The following PCDHGA6 variants were observed in gnomAD, a reference collection of about 807,000 sequenced individuals.
PCDHGA6 encodes the protein protocadherin gamma subfamily A, 6, also known as protocadherin gamma-A6.
Under a neutral mutation model 60.6 loss-of-function variants are expected in PCDHGA6, and 41 were observed. That is an observed-to-expected ratio of 0.68 (90% CI 0.53 to 0.88). The LOEUF (loss-of-function observed/expected upper bound fraction) is 0.88. Among genes scored for constraint, PCDHGA6 ranks in the 40% least tolerant of loss-of-function variants. The pLI, the probability that PCDHGA6 is intolerant of heterozygous loss-of-function variation, is 0.00. For synonymous variants in PCDHGA6, 594 were observed against 524.4 expected (o/e 1.13, Z -1.81); for missense variants, 1,312 against 1,203.0 (o/e 1.09, Z -1.34).
At chr5:141,381,986 C>A (rs1360595056) in intron 1 of PCDHGA6, among the ~76,000 whole-genome samples, 1 of 151,810 alleles carries the variant, frequency 6.6e-6, no homozygotes, top group East Asian at 1.9e-4. Flanking sequence ...CGCGCCACCA[C>A]GCCCGGATAA....
chr5:141,490,374 C>T lies in PCDHGA6; in HGVS notation c.2425-4433C>T, dbSNP rs1452417604. 1.2e-6 allele frequency: 2 copies of T among 1,614,082 alleles called. No homozygotes were observed. Among genetic ancestry groups the T allele is most frequent in the Middle Eastern group, 1.6e-4 (1 of 6,084 alleles). ...GGTTGTTTAATGTGCGAGACCGGGA[C>T]TCAGGTAGAAATGGTGAAGTGAGCC... On this transcript the variant is annotated intron_variant, in intron 1 of 3. Coordinates refer to ENST00000517434, the MANE Select transcript of PCDHGA6 (RefSeq NM_018919.3). This position sits in a 1 kb window ranked among gnomAD's most constrained non-coding sequence, Gnocchi z 5.4.
chr5:141,478,617 G>A (rs1010415342), intron 1 of PCDHGA6: 1 of 1,556,398 alleles, frequency 6.4e-7, no homozygotes, highest in Non-Finnish European at 8.7e-7. Context: ...AGGAAGGAAT[G>A]GAGCTGTTTT....
rs189987196 is a variant in PCDHGA6, at chr5:141,420,754, C to T, written c.2424+44247C>T. Among the ~76,000 whole-genome samples, 291 of 152,292 alleles carry T rather than the reference C, an allele frequency of 1.9e-3. 2 individuals carry two copies. The highest frequency in any genetic ancestry group is 3.6e-3 in the Non-Finnish European group (248 of 68,020). On this transcript the variant is annotated intron_variant, in intron 1 of 3. Coordinates refer to ENST00000517434, the MANE Select transcript of PCDHGA6 (RefSeq NM_018919.3). ...TAAAATCAATTGGAACCAACTACAA[C>T]CTACAAGTTTTCAGCTCCAGTAATA... is the stretch of plus-strand genomic sequence containing the variant.
At position 141,485,035 on chromosome 5, in the gene PCDHGA6, AC is replaced by A; in HGVS notation, c.2425-9769del. ...CCGCCACCAGCAAAAACGGCGCGTA[AC>A]CCTTGCGGCGCCGGCCGAACCGCGC... On this transcript the variant is annotated intron_variant, in intron 1 of 3. Coordinates refer to ENST00000517434, the MANE Select transcript of PCDHGA6 (RefSeq NM_018919.3). The surrounding 1 kb of genome is among the most constrained non-coding windows in gnomAD (Gnocchi z 5.7). 1.4e-6 allele frequency: 1 copy of A among 694,388 alleles called. No homozygotes were observed. Among genetic ancestry groups the A allele is most frequent in the East Asian group, 2.6e-5 (1 of 38,852 alleles). The allele number at this position is 694,388 out of a possible 1,614,324, so 43.0% of individuals were successfully genotyped here.
rs140933475 is a variant in PCDHGA6 at position 141,477,405 on chromosome 5, G to A, written c.2425-17402G>A. The A allele has an allele frequency of 3.8e-4, 608 of 1,614,076 alleles. No individual in the cohort carries two copies. The highest frequency in any genetic ancestry group is 4.6e-4 in the Non-Finnish European group (540 of 1,180,022). On this transcript the variant is annotated intron_variant, in intron 1 of 3. Transcript: ENST00000517434. This position sits in a 1 kb window ranked among gnomAD's most constrained non-coding sequence, Gnocchi z 4.9. ...GAATACAACCTCAGCATCACCGCCC[G>A]AGACGCCGGAACCCCTTCCCTCTCA...
In PCDHGA6 at chr5:141,478,182, A is replaced by T. The variant is rs777228133; in HGVS notation, c.2425-16625A>T. The T allele has an allele frequency of 5.0e-6, 8 of 1,613,866 alleles. No individual in the cohort carries two copies. In the South Asian group the frequency reaches 8.8e-5, roughly 18 times the overall value. ...TCTGCCCCCCGGGAGCAGAAAAAAA[A>T]TCTCACCTTTTATCTACTTCTTTCT... is the stretch of plus-strand genomic sequence containing the variant. On this transcript the variant is annotated intron_variant, in intron 1 of 3. Transcript: ENST00000517434.
In PCDHGA6 at chr5:141,375,693, G is replaced by C. The variant is rs112671050; in HGVS notation, c.1610G>C (p.Ser537Thr). 1,209 of 1,614,256 alleles carry C rather than the reference G, an allele frequency of 7.5e-4. 14 individuals carry two copies. In the African/African-American group the frequency reaches 0.015, roughly 20 times the overall value. Residue 537 changes from serine to threonine, a missense_variant, in exon 1 of 4, where the codon AGC (serine) becomes ACC (threonine). Physicochemically the swap from Ser to Thr is moderately conservative, Grantham distance 58 (BLOSUM62 1). Coordinates refer to ENST00000517434, the MANE Select transcript of PCDHGA6 (RefSeq NM_018919.3). The part of the protein sequence containing the change: ...DLQLWVTASD[S>T]GDPPLSSNVS... ...CAGCTGTGGGTGACAGCCAGCGACA[G>C]CGGGGACCCGCCTCTTAGCAGCAAC... is the stretch of plus-strand genomic sequence containing the variant.
intron 1 of PCDHGA6, among the ~76,000 whole-genome samples, chr5:141,450,832 T>TTATTA (rs764784095): frequency 5.6e-5 from 8 of 142,316 alleles, no homozygotes; most frequent in African/African-American, 2.2e-4. Context: ...TATTATTATT[T>TTATTA]TTTTTTTTTT....
Position 141,486,682 on chromosome 5 carries a change from A to C in PCDHGA6, c.2425-8125A>C, listed in dbSNP as rs781547951. 1.4e-5 allele frequency: 22 copies of C among 1,614,064 alleles called. No individual in the cohort carries two copies. The African/African-American group carries it at 2.3e-4, about 17-fold the overall frequency. ...TGGAGCCCAGGAATCGAGATGTATC[A>C]GCTTCCTCTTTCATCTCTCTGAACC... On this transcript the variant is annotated intron_variant, in intron 1 of 3. Coordinates refer to ENST00000517434, the MANE Select transcript of PCDHGA6 (RefSeq NM_018919.3). The surrounding 1 kb of genome is among the most constrained non-coding windows in gnomAD (Gnocchi z 5.0).
chr5:141,402,918 A>C (rs766546022), intron 1 of PCDHGA6: 55 of 1,569,938 alleles, frequency 3.5e-5, no homozygotes, highest in Non-Finnish European at 4.7e-5. Flanking sequence ...GCGCGCACAG[A>C]GATCCTTTTG....
chr5:141,457,386 A>G lies in PCDHGA6; in HGVS notation c.2425-37421A>G, dbSNP rs1303460358. Reference sequence around the variant, plus strand: ...TGCAAAATAATTGCCCAGAACTAGCATATTGATTCACATTTTCACATTACC... The same window carrying G: ...TGCAAAATAATTGCCCAGAACTAGCGTATTGATTCACATTTTCACATTACC... On this transcript the variant is annotated intron_variant, in intron 1 of 3. Transcript: ENST00000517434. Among the ~76,000 whole-genome samples the G allele has an allele frequency of 5.3e-5, 8 of 152,210 alleles. No homozygotes were observed. The East Asian group carries it at 1.3e-3, about 26-fold the overall frequency.
At chr5:141,421,267 C>T in intron 1 of PCDHGA6, 1 of 1,611,374 alleles carries the variant, frequency 6.2e-7, no homozygotes, top group Non-Finnish European at 8.5e-7. Flanking sequence ...CAGTCGGCTG[C>T]TGCTGCTGCT....
intron 1 of PCDHGA6, chr5:141,428,109 G>A: frequency 1.2e-6 from 2 of 1,607,850 alleles, no homozygotes; most frequent in Non-Finnish European, 1.7e-6. Context: ...CGTGCTGCAG[G>A]CCATCGAGCC....
chr5:141,454,618 C>T (rs1259161504), intron 1 of PCDHGA6, among the ~76,000 whole-genome samples: 1 of 151,470 alleles, frequency 6.6e-6, no homozygotes, highest in Non-Finnish European at 1.5e-5. Flanking sequence ...GTTGGTCAGG[C>T]TGGTCTCGAA....
Position 141,491,279 on chromosome 5 carries a change from T to G in PCDHGA6, c.2425-3528T>G. 1 of 1,614,110 alleles carries G rather than the reference T, an allele frequency of 6.2e-7. No individual in the cohort carries two copies. The highest frequency in any genetic ancestry group is 2.2e-5 in the East Asian group (1 of 44,878). ...GAGGAAATGCCCAAATCCAGTGACT[T>G]CCTCATACACCCTCCTGAGCGTTCA... On this transcript the variant is annotated intron_variant, in intron 1 of 3. Transcript: ENST00000517434. The surrounding 1 kb of genome is among the most constrained non-coding windows in gnomAD (Gnocchi z 6.9).
chr5:141,378,005 T>G (rs1425146532), intron 1 of PCDHGA6: 7 of 152,232 alleles, frequency 4.6e-5, no homozygotes, highest in Admixed American at 4.6e-4. Flanking sequence ...TTGGCTCAAA[T>G]AAGCTCTACT....
chr5:141,406,620 C>T (rs1355085005), intron 1 of PCDHGA6, among the ~76,000 whole-genome samples: 1 of 152,148 alleles, frequency 6.6e-6, no homozygotes, highest in Non-Finnish European at 1.5e-5. Flanking sequence ...CTTTTATTCT[C>T]ATATCTTCAA....
intron 2 of PCDHGA6, among the ~76,000 whole-genome samples, chr5:141,500,838 GGCTTTT>G (rs2099802886): frequency 6.6e-6 from 1 of 151,878 alleles, no homozygotes. Flanking sequence ...AATGCTAATG[GGCTTTT>G]GCTACATTAG....
intron 2 of PCDHGA6, among the ~76,000 whole-genome samples, chr5:141,495,430 C>A (rs1189953474): frequency 6.6e-6 from 1 of 152,220 alleles, no homozygotes; most frequent in Non-Finnish European, 1.5e-5. Context: ...TCCCACTGTC[C>A]TCTGCCCCTA....
Sources: allele counts gnomAD v4.1 joint callset (sites outside exome capture counted in the v4.1 genomes callset), GRCh38; gene constraint gnomAD v4.1.1; non-coding constraint Gnocchi (gnomAD v3.1); transcripts MANE v1.5; gene names NCBI Gene and HGNC (gene_info 2026-07-23, HGNC 2026-07-21).